Variants in FMN2 observed in about 807,000 individuals in gnomAD.
The protein encoded by FMN2 is formin 2, also known as formin-2.
A neutral mutation model predicts 142.3 loss-of-function variants in FMN2; 51 were observed. The ratio of observed to expected loss-of-function variants is 0.36; its 90% CI spans 0.29 to 0.45. The LOEUF (loss-of-function observed/expected upper bound fraction) is 0.45, where lower values mean the gene tolerates loss of function less well. FMN2 is among the 20% of genes least tolerant of loss of function. The pLI is 1.00. For missense variants in FMN2, 1,936 were observed against 2,122.8 expected, an observed-to-expected ratio of 0.91 and a Z score of 1.73; for synonymous variants, 882 against 869.8, an observed-to-expected ratio of 1.01 and a Z score of -0.25.
chr1:240,342,423 T>C (rs1430808190), intron 13 of FMN2, among the ~76,000 whole-genome samples: 4 of 152,208 alleles, frequency 2.6e-5, no homozygotes, highest in Non-Finnish European at 5.9e-5. Context: ...TGTAGTTTAG[T>C]GAGTAATTTG....
chr1:240,165,692 G>A (rs1015625458), intron 2 of FMN2, among the ~76,000 whole-genome samples: 1 of 151,444 alleles, frequency 6.6e-6, no homozygotes, highest in African/African-American at 2.4e-5. Context: ...TTCCCAGATA[G>A]GATTTATGTT....
intron 13 of FMN2, among the ~76,000 whole-genome samples, chr1:240,339,472 A>G (rs1671674959): frequency 6.6e-6 from 1 of 152,110 alleles, no homozygotes; most frequent in African/African-American, 2.4e-5. Context: ...GGGATCTAGG[A>G]AGGTATTCTC....
At chr1:240,415,246 GA>G (rs1310933497) in intron 15 of FMN2, among the ~76,000 whole-genome samples, 3 of 152,164 alleles carry the variant, frequency 2.0e-5, no homozygotes, top group South Asian at 2.1e-4. Flanking sequence ...GGACATGGAT[GA>G]AGCTGGAAAC....
chr1:240,226,212 A>T (rs946003575), intron 6 of FMN2, among the ~76,000 whole-genome samples: 1 of 151,316 alleles, frequency 6.6e-6, no homozygotes, highest in African/African-American at 2.4e-5. Flanking sequence ...TTCCTCATAG[A>T]TAAACATAAA....
At chr1:240,309,344 A>C (rs1233977211) in intron 8 of FMN2, among the ~76,000 whole-genome samples, 1 of 151,998 alleles carries the variant, frequency 6.6e-6, no homozygotes, top group Non-Finnish European at 1.5e-5. Context: ...GGGCAGGTGA[A>C]CTCTAGCTAG....
chr1:240,143,408 G>C, intron 2 of FMN2: 2 of 1,426,616 alleles, frequency 1.4e-6, no homozygotes, highest in South Asian at 1.2e-5. Context: ...ACAGCAATAA[G>C]GGCAATCCCC....
chr1:240,202,644 T>C (rs545176718), intron 4 of FMN2, among the ~76,000 whole-genome samples: 41 of 152,198 alleles, frequency 2.7e-4, no homozygotes, highest in African/African-American at 9.4e-4. Context: ...TTTCCATTTT[T>C]GTTGAGATGA....
At chr1:240,165,712 C>CG (rs1664454248) in intron 2 of FMN2, among the ~76,000 whole-genome samples, 1 of 151,052 alleles carries the variant, frequency 6.6e-6, no homozygotes. Flanking sequence ...TTGCTTTTGC[C>CG]GGGGACCTGG....
rs1050574277 is a variant in FMN2 at position 240,091,912 on chromosome 1, G to T, written c.-198G>T. On this transcript the variant is annotated 5_prime_UTR_variant, in exon 1 of 18. Transcript: ENST00000319653. ...CCGCAGCCGCAGCGACGGCAGCCACGGGAGCCGCCGCGCATTATGCAAAGC... is the reference window on the plus strand; with the variant it reads ...CCGCAGCCGCAGCGACGGCAGCCACTGGAGCCGCCGCGCATTATGCAAAGC... 11 of 929,860 alleles carry T rather than the reference G, an allele frequency of 1.2e-5. No individual in the cohort carries two copies. Among genetic ancestry groups the T allele is most frequent in the Non-Finnish European group, 1.2e-5 (8 of 678,182 alleles). The allele number at this position is 929,860 out of a possible 1,614,324, so 57.6% of individuals were successfully genotyped here. A position where few individuals can be genotyped will look rare whatever the true frequency, so the allele number is the denominator to read the frequency against.
At chr1:240,440,583 T>G (rs1281461461) in intron 16 of FMN2, among the ~76,000 whole-genome samples, 1 of 152,234 alleles carries the variant, frequency 6.6e-6, no homozygotes, top group Non-Finnish European at 1.5e-5. Context: ...ACATTCATGT[T>G]AGCAGTGTTG....
intron 2 of FMN2, chr1:240,171,120 T>A: frequency 7.0e-7 from 1 of 1,423,854 alleles, no homozygotes; most frequent in Non-Finnish European, 9.9e-7. Context: ...GGAAAGGCAC[T>A]GCCTTTGGAG....
At chr1:240,277,762 C>T (rs978078339) in intron 7 of FMN2, among the ~76,000 whole-genome samples, 5 of 151,588 alleles carry the variant, frequency 3.3e-5, no homozygotes, top group Admixed American at 6.6e-5. Flanking sequence ...TTTGAACTCC[C>T]GACCTCAAGT....
At chr1:240,303,883 C>T (rs2102976861) in intron 8 of FMN2, among the ~76,000 whole-genome samples, 1 of 152,144 alleles carries the variant, frequency 6.6e-6, no homozygotes, top group Non-Finnish European at 1.5e-5. Context: ...AGAGTTGATA[C>T]TTTCTGATCC....
intron 2 of FMN2, among the ~76,000 whole-genome samples, chr1:240,141,344 TTTTA>T (rs59481681): frequency 2.3e-4 from 34 of 150,528 alleles, no homozygotes; most frequent in African/African-American, 6.6e-4. Context: ...GGCAACGGTA[TTTTA>T]TTTATTTATT....
intron 2 of FMN2, among the ~76,000 whole-genome samples, chr1:240,129,589 G>A (rs894439365): frequency 2.1e-5 from 3 of 140,036 alleles, no homozygotes; most frequent in African/African-American, 2.7e-5. Flanking sequence ...TGCAACCTCC[G>A]CCTCCCAGGT....
chr1:240,378,136 C>CT (rs1182401054), intron 14 of FMN2, among the ~76,000 whole-genome samples: 3 of 150,922 alleles, frequency 2.0e-5, no homozygotes, highest in Admixed American at 6.6e-5. Context: ...TTTTTTGTTT[C>CT]TTTTTTTTAT....
chr1:240,387,268 C>A (rs761066826), intron 14 of FMN2, among the ~76,000 whole-genome samples: 2 of 152,150 alleles, frequency 1.3e-5, no homozygotes, highest in Non-Finnish European at 2.9e-5. Flanking sequence ...GACTCTATCT[C>A]GGAACATTTT....
At chr1:240,366,690 T>C (rs895541383) in intron 14 of FMN2, among the ~76,000 whole-genome samples, 1 of 152,044 alleles carries the variant, frequency 6.6e-6, no homozygotes, top group Admixed American at 6.6e-5. Flanking sequence ...TAGCTGGGAT[T>C]ACAGGCATGA....
rs1224788654 is a variant in FMN2, at chr1:240,336,346, G to GTTTACA, written c.4765+2118_4765+2123dup. ...TAAAGAGAGGATTTTAACCCTGAAGGTTTACACTTTATGTCAGGGAAAGAT... is the reference window on the plus strand; with the variant it reads ...TAAAGAGAGGATTTTAACCCTGAAGGTTTACATTTACACTTTATGTCAGGGAAAGAT... On this transcript the variant is annotated intron_variant, in intron 13 of 17. Coordinates refer to ENST00000319653, the MANE Select transcript of FMN2 (RefSeq NM_020066.5). Among the ~76,000 whole-genome samples, 18 of 151,910 alleles carry GTTTACA rather than the reference G, an allele frequency of 1.2e-4. No individual in the cohort carries two copies. The East Asian group carries it at 3.3e-3, about 28-fold the overall frequency.
Sources: gnomAD v4.1 joint callset for allele counts (sites outside exome capture counted in the v4.1 genomes callset) on GRCh38, gnomAD v4.1.1 for gene constraint, MANE v1.5 for transcripts, NCBI Gene and HGNC (gene_info 2026-07-23, HGNC 2026-07-21) for gene names.